The following HIPK2 variants were observed in gnomAD, a reference collection of about 807,000 sequenced individuals.
HIPK2 encodes homeodomain interacting protein kinase 2.
A neutral mutation model predicts 113.7 loss-of-function variants in HIPK2; 27 were observed. That is an observed-to-expected ratio of 0.24 (90% CI 0.17 to 0.33). The LOEUF (loss-of-function observed/expected upper bound fraction) is 0.33, where lower values mean the gene tolerates loss of function less well. HIPK2 is among the 10% of genes least tolerant of loss of function. HIPK2 has a pLI of 1.00. For missense variants in HIPK2, 1,257 were observed against 1,588.0 expected, an observed-to-expected ratio of 0.79 and a Z score of 3.54; for synonymous variants, 631 against 642.2, an observed-to-expected ratio of 0.98 and a Z score of 0.26.
At chr7:139,703,189 T>A (rs1367988396) in intron 2 of HIPK2, among the ~76,000 whole-genome samples, 1 of 152,212 alleles carries the variant, frequency 6.6e-6, no homozygotes, top group Non-Finnish European at 1.5e-5. Flanking sequence ...AAAATCATTT[T>A]GAAAATATTT....
intron 5 of HIPK2, among the ~76,000 whole-genome samples, chr7:139,627,975 T>A (rs2116878843): frequency 6.6e-6 from 1 of 152,190 alleles, no homozygotes; most frequent in Middle Eastern, 3.4e-3. Flanking sequence ...GCAGATGTAA[T>A]CAAATTGAGT....
intron 2 of HIPK2, among the ~76,000 whole-genome samples, chr7:139,674,832 G>A (rs1043474015): frequency 2.6e-5 from 4 of 152,256 alleles, no homozygotes; most frequent in African/African-American, 9.6e-5. Context: ...TCCTGGTAGC[G>A]CTTACGATGA....
chr7:139,577,965 C>T (rs1386265811), intron 13 of HIPK2, among the ~76,000 whole-genome samples: 1 of 152,170 alleles, frequency 6.6e-6, no homozygotes, highest in Non-Finnish European at 1.5e-5. Context: ...ATTCTCGTGC[C>T]TCAACCTCCC....
intron 2 of HIPK2, among the ~76,000 whole-genome samples, chr7:139,634,465 C>T (rs967610451): frequency 6.6e-6 from 1 of 152,016 alleles, no homozygotes; most frequent in East Asian, 1.9e-4. Flanking sequence ...CCCTGCTGCA[C>T]CCTTGTCTTC....
chr7:139,590,628 A>G (rs1304525711), intron 12 of HIPK2, among the ~76,000 whole-genome samples: 5 of 152,196 alleles, frequency 3.3e-5, no homozygotes, highest in Non-Finnish European at 5.9e-5. Context: ...CATACTAACT[A>G]CAGCTTAAAG....
chr7:139,590,554 G>A (rs1798983842), intron 12 of HIPK2, among the ~76,000 whole-genome samples: 1 of 152,130 alleles, frequency 6.6e-6, no homozygotes, highest in Non-Finnish European at 1.5e-5. Context: ...TGATTTCATA[G>A]TCAATGCTAT....
chr7:139,628,856 T>C (rs1410644053), intron 5 of HIPK2, 97 bp downstream of exon 5: 1 of 1,023,728 alleles, frequency 9.8e-7, no homozygotes, highest in Non-Finnish European at 1.5e-6. Context: ...AGTTGAATAA[T>C]GTGGATTTCA....
At chr7:139,625,162 C>T (rs1800383326) in intron 6 of HIPK2, among the ~76,000 whole-genome samples, 1 of 152,170 alleles carries the variant, frequency 6.6e-6, no homozygotes, top group African/African-American at 2.4e-5. Flanking sequence ...TGAACCCTGT[C>T]TTAAAAACAA....
In HIPK2 at chr7:139,590,454, T is replaced by A. The variant is rs181104995; in HGVS notation, c.2717+6263A>T. On this transcript the variant is annotated intron_variant, in intron 12 of 14. Transcript: ENST00000406875. ...CCTGTAGGGTCTTATCTGGAATGTGTCTCTGATTTCTATTTGCTAATCTGA... is the reference window on the plus strand; with the variant it reads ...CCTGTAGGGTCTTATCTGGAATGTGACTCTGATTTCTATTTGCTAATCTGA... Among the ~76,000 whole-genome samples the A allele has an allele frequency of 1.2e-3, 185 of 152,322 alleles. 1 individual carries two copies. The highest frequency in any genetic ancestry group is 4.0e-3 in the African/African-American group (165 of 41,560).
At chr7:139,583,615 G>A in intron 13 of HIPK2, 1 of 676,710 alleles carries the variant, frequency 1.5e-6, no homozygotes. Flanking sequence ...CAGGATTAAA[G>A]AAGGAAAACG....
At chr7:139,594,163 C>T (rs1799119329) in intron 12 of HIPK2, among the ~76,000 whole-genome samples, 1 of 152,158 alleles carries the variant, frequency 6.6e-6, no homozygotes, top group Non-Finnish European at 1.5e-5. Context: ...AGACCTTTGG[C>T]CTTCAAAGCC....
intron 10 of HIPK2, 21 bp downstream of exon 10, chr7:139,604,060 C>G: frequency 6.2e-7 from 1 of 1,613,620 alleles, no homozygotes; most frequent in Non-Finnish European, 8.5e-7. Context: ...CCCACTCACC[C>G]TAGAGGGGTT....
intron 2 of HIPK2, among the ~76,000 whole-genome samples, chr7:139,654,346 CA>C (rs138230689): frequency 0.058 from 8,813 of 150,992 alleles, 326 homozygotes; most frequent in African/African-American, 0.11. Context: ...ACTTTGTCTA[CA>C]AAAAAAAATC....
At chr7:139,686,589 C>A (rs1471758646) in intron 2 of HIPK2, among the ~76,000 whole-genome samples, 1 of 152,172 alleles carries the variant, frequency 6.6e-6, no homozygotes, top group Non-Finnish European at 1.5e-5. Flanking sequence ...TCCCACTTTG[C>A]TCTGTACTTC....
chr7:139,668,657 G>C (rs1212659616), intron 2 of HIPK2, among the ~76,000 whole-genome samples: 4 of 152,046 alleles, frequency 2.6e-5, no homozygotes, highest in South Asian at 2.1e-4. Flanking sequence ...ATAAATATCT[G>C]AAGTTTGATT....
intron 7 of HIPK2, among the ~76,000 whole-genome samples, chr7:139,619,149 A>G (rs115963571): frequency 8.1e-4 from 123 of 152,306 alleles, no homozygotes; most frequent in African/African-American, 2.8e-3. Context: ...GAGCAGGCCA[A>G]TGTGCCACAA....
At chr7:139,734,568 C>T (rs1795885570) in intron 1 of HIPK2, among the ~76,000 whole-genome samples, 1 of 152,218 alleles carries the variant, frequency 6.6e-6, no homozygotes, top group African/African-American at 2.4e-5. Context: ...TCCATGACGC[C>T]ACGGTTGTGC....
chr7:139,703,713 C>T (rs1053670142), intron 2 of HIPK2, among the ~76,000 whole-genome samples: 24 of 149,358 alleles, frequency 1.6e-4, no homozygotes, highest in Non-Finnish European at 2.5e-4. Context: ...CCCCTCCACA[C>T]CCACACTATA....
rs1569487615 is a variant in HIPK2, at chr7:139,777,838, G to A, written c.-215C>T. 1.1e-5 allele frequency: 2 copies of A among 183,784 alleles called. No homozygotes were observed. Among genetic ancestry groups the A allele is most frequent in the Non-Finnish European group, 9.8e-6 (1 of 101,800 alleles). 11.4% of individuals were successfully genotyped at this position (183,784 alleles called of 1,614,324 possible). On this transcript the variant is annotated 5_prime_UTR_variant, in exon 1 of 15. Coordinates refer to ENST00000406875, the MANE Select transcript of HIPK2 (RefSeq NM_022740.5). ...GCCGCCGCCGCCGCCGCTGCCGCCC[G>A]GGCCCGGCGCGGGGGGCTCGGGGCT...
Sources: gnomAD v4.1 joint callset for allele counts (sites outside exome capture counted in the v4.1 genomes callset) on GRCh38, gnomAD v4.1.1 for gene constraint, MANE v1.5 for transcripts, NCBI Gene and HGNC (gene_info 2026-07-23, HGNC 2026-07-21) for gene names.